FIG4: variants seen among roughly 807,000 people sequenced by gnomAD.
The protein encoded by FIG4 is polyphosphoinositide phosphatase.
In FIG4, 112 loss-of-function variants were observed where a neutral mutation model predicts 118.6. The observed-to-expected ratio is 0.94, with a 90% confidence interval of 0.81 to 1.11. FIG4 has a LOEUF of 1.11. Among genes scored for constraint, FIG4 ranks in the 50% least tolerant of loss-of-function variants. The pLI, the probability that FIG4 is intolerant of heterozygous loss-of-function variation, is 0.00. For synonymous variants in FIG4, 369 were observed against 381.2 expected, an observed-to-expected ratio of 0.97 and a Z score of 0.37; for missense variants, 969 against 1,111.7, an observed-to-expected ratio of 0.87 and a Z score of 1.83.
intron 3 of FIG4, among the ~76,000 whole-genome samples, chr6:109,723,441 A>G (rs1343485222): frequency 1.3e-5 from 2 of 152,226 alleles, no homozygotes; most frequent in Non-Finnish European, 1.5e-5. Flanking sequence ...ATATAACTCT[A>G]TTTATAACTC....
At chr6:109,754,580 T>A (rs1028997454) in intron 10 of FIG4, among the ~76,000 whole-genome samples, 27 of 152,238 alleles carry the variant, frequency 1.8e-4, no homozygotes, top group African/African-American at 6.5e-4. Flanking sequence ...TGGACTCTTT[T>A]TAGTTGGTAA....
In FIG4 at chr6:109,760,304, G is replaced by A; in HGVS notation, c.1192G>A (p.Val398Met). ...TCTGAGTGAAGAACTTGTTGCTGCT[G>A]TGACCTATCTCAACCAATTTTTGCC... is the stretch of plus-strand genomic sequence containing the variant. Reference protein sequence around the residue: ...RILSEELVAAVTYLNQFLPPE... With the variant: ...RILSEELVAAMTYLNQFLPPE... The change falls in exon 11 of 23, where the codon GTG (valine) becomes ATG (methionine). Residue 398 changes from valine (V) to methionine (M), a missense_variant. Physicochemically the swap from Val to Met is conservative, Grantham distance 21. Transcript: ENST00000230124. 1.2e-6 allele frequency: 2 copies of A among 1,613,438 alleles called. No individual in the cohort carries two copies. The highest frequency in any genetic ancestry group is 8.5e-7 in the Non-Finnish European group (1 of 1,179,372).
At chr6:109,822,698 A>G (rs1779036368) in intron 22 of FIG4, among the ~76,000 whole-genome samples, 1 of 151,026 alleles carries the variant, frequency 6.6e-6, no homozygotes, top group South Asian at 2.1e-4. Context: ...GCACAATAGA[A>G]TGACCATTAT....
chr6:109,760,437 A>G, intron 11 of FIG4, 54 bp downstream of exon 11: 1 of 1,498,234 alleles, frequency 6.7e-7, no homozygotes, highest in Non-Finnish European at 9.3e-7. Context: ...TGTGATGAGA[A>G]ATAACAGGAA....
chr6:109,786,846 T>C (rs1356720720), intron 18 of FIG4, among the ~76,000 whole-genome samples: 2 of 152,138 alleles, frequency 1.3e-5, no homozygotes, highest in Admixed American at 1.3e-4. Flanking sequence ...GGGAAAATTA[T>C]CCAACTTACC....
intron 22 of FIG4, among the ~76,000 whole-genome samples, chr6:109,823,852 C>T (rs950744380): frequency 2.0e-5 from 3 of 152,194 alleles, no homozygotes; most frequent in Non-Finnish European, 4.4e-5. Context: ...TATGGCCAAC[C>T]ACCCGCATTC....
intron 17 of FIG4, among the ~76,000 whole-genome samples, chr6:109,785,317 C>T (rs1373549800): frequency 2.0e-5 from 3 of 151,964 alleles, no homozygotes; most frequent in African/African-American, 7.2e-5. Context: ...TATGATATAT[C>T]GGCTCATCAC....
In FIG4 at chr6:109,691,481, G is replaced by T; in HGVS notation, c.46G>T (p.Val16Phe). Reference sequence around the variant, plus strand: ...CATCATCAGCTCGGTCCAGAAGCTGGTTCTGTATGAGACTAGAGCTGTGAG... The same window carrying T: ...CATCATCAGCTCGGTCCAGAAGCTGTTTCTGTATGAGACTAGAGCTGTGAG... ...APIISSVQKLVLYETRARYFL... is the reference protein window; with the variant it reads ...APIISSVQKLFLYETRARYFL... The change falls in exon 1 of 23, where the codon GTT becomes TTT. Residue 16 changes from valine (V) to phenylalanine (F), a missense_variant. Physicochemically the swap from Val to Phe is conservative, Grantham distance 50. Coordinates refer to ENST00000230124, the MANE Select transcript of FIG4 (RefSeq NM_014845.6). 6.3e-7 allele frequency: 1 copy of T among 1,584,432 alleles called. No homozygotes were observed. Among genetic ancestry groups the T allele is most frequent in the Non-Finnish European group, 8.6e-7 (1 of 1,164,862 alleles).
intron 15 of FIG4, among the ~76,000 whole-genome samples, chr6:109,771,461 CTTTTTTTTTTT>C (rs71018367): frequency 7.0e-5 from 6 of 86,000 alleles, no homozygotes; most frequent in African/African-American, 2.4e-4. Context: ...TCCTCTAATT[CTTTTTTTTTTT>C]TTTTTTTTTT....
intron 3 of FIG4, among the ~76,000 whole-genome samples, chr6:109,725,376 A>T (rs187075576): frequency 6.6e-6 from 1 of 152,040 alleles, no homozygotes. Context: ...TTCCTGTGTC[A>T]GTTTGCTGAG....
chr6:109,743,784 T>C lies in FIG4; in HGVS notation c.1137+12T>C, dbSNP rs373430290. The C allele has an allele frequency of 6.3e-7, 1 of 1,587,048 alleles. No homozygotes were observed. The highest frequency in any genetic ancestry group is 8.7e-7 in the Non-Finnish European group (1 of 1,155,962). ...TGAATTTAGTGAAGGTATGATGTGC[T>C]CATCTGTTTGGTTATGAGATTCAGA... On this transcript the variant is annotated intron_variant, in intron 10 of 22. Coordinates refer to ENST00000230124, the MANE Select transcript of FIG4 (RefSeq NM_014845.6).
chr6:109,770,670 A>G (rs1777430911), intron 15 of FIG4, among the ~76,000 whole-genome samples: 1 of 152,116 alleles, frequency 6.6e-6, no homozygotes, highest in South Asian at 2.1e-4. Flanking sequence ...AAGGGGGAGC[A>G]GGTGTCTCAC....
chr6:109,725,474 G>A (rs1239366603), intron 3 of FIG4, among the ~76,000 whole-genome samples: 1 of 152,144 alleles, frequency 6.6e-6, no homozygotes, highest in African/African-American at 2.4e-5. Flanking sequence ...TGGTGTATAT[G>A]TGCCACGTTT....
chr6:109,793,400 T>G (rs115069576), intron 21 of FIG4, among the ~76,000 whole-genome samples: 2,554 of 152,254 alleles, frequency 0.017, 70 homozygotes, highest in African/African-American at 0.059. Context: ...ATTAGGCAAA[T>G]CTAGTTGAAA....
intron 22 of FIG4, among the ~76,000 whole-genome samples, chr6:109,802,113 A>G (rs541699112): frequency 1.2e-4 from 19 of 152,326 alleles, no homozygotes; most frequent in African/African-American, 4.3e-4. Flanking sequence ...CTCTCACTCC[A>G]GGAATTACCA....
chr6:109,773,082 C>G (rs1381757140), intron 15 of FIG4, among the ~76,000 whole-genome samples: 1 of 152,186 alleles, frequency 6.6e-6, no homozygotes, highest in African/African-American at 2.4e-5. Context: ...CTAGAGGCTG[C>G]TGCATTTCTT....
chr6:109,738,069 C>G (rs903447563), intron 6 of FIG4, among the ~76,000 whole-genome samples: 3 of 152,098 alleles, frequency 2.0e-5, no homozygotes, highest in Admixed American at 6.6e-5. Context: ...CTCTCAAGAA[C>G]TCTCACAAGT....
intron 15 of FIG4, among the ~76,000 whole-genome samples, chr6:109,774,297 T>C (rs1308033594): frequency 6.6e-6 from 1 of 152,208 alleles, no homozygotes; most frequent in Non-Finnish European, 1.5e-5. Context: ...GTAATGAATC[T>C]TTATAACCTT....
At chr6:109,782,694 A>T (rs563521442) in intron 16 of FIG4, among the ~76,000 whole-genome samples, 1 of 152,342 alleles carries the variant, frequency 6.6e-6, no homozygotes, top group East Asian at 1.9e-4. Flanking sequence ...ATGCATGCAT[A>T]CACACATGCA....
Sources: gnomAD v4.1 joint callset for allele counts (sites outside exome capture counted in the v4.1 genomes callset) on GRCh38, gnomAD v4.1.1 for gene constraint, MANE v1.5 for transcripts, NCBI Gene and HGNC (gene_info 2026-07-23, HGNC 2026-07-21) for gene names.